Variants in ANKRD27 observed in about 807,000 individuals in gnomAD.
ANKRD27 encodes ankyrin repeat domain-containing protein 27.
A neutral mutation model predicts 129.7 loss-of-function variants in ANKRD27; 112 were observed. The observed-to-expected ratio is 0.86, with a 90% CI of 0.74 to 1.01. The LOEUF (loss-of-function observed/expected upper bound fraction) is 1.01. Among genes scored for constraint, ANKRD27 ranks in the 50% least tolerant of loss-of-function variants. ANKRD27 has a pLI of 0.00. For synonymous variants in ANKRD27, 516 were observed against 511.2 expected (o/e 1.01, Z -0.13); for missense variants, 1,258 against 1,300.5 (o/e 0.97, Z 0.50).
In ANKRD27 at chr19:32,664,581, A is replaced by G. The variant is rs897206294; in HGVS notation, c.-30-5536T>C. ...CAGTGAGCCGAGATTGTGCCACTGC[A>G]CTCCAGCCTGGGCAACAGAGCAAGA... On this transcript the variant is annotated intron_variant, in intron 1 of 28. Transcript: ENST00000306065. 4.7e-5 allele frequency among the ~76,000 whole-genome samples: 7 copies of G among 149,874 alleles called. No individual in the cohort carries two copies. The East Asian group carries it at 1.4e-3, about 29-fold the overall frequency.
At chr19:32,659,862 C>T (rs544746328) in intron 1 of ANKRD27, among the ~76,000 whole-genome samples, 1 of 152,072 alleles carries the variant, frequency 6.6e-6, no homozygotes, top group Non-Finnish European at 1.5e-5. Flanking sequence ...CTGGGCAATA[C>T]AGCAAAACCC....
intron 22 of ANKRD27, among the ~76,000 whole-genome samples, chr19:32,610,432 CTA>C (rs1309654113): frequency 1.3e-5 from 2 of 149,450 alleles, no homozygotes; most frequent in African/African-American, 5.0e-5. Context: ...CTTCAGTGAG[CTA>C]TGATTGCAAC....
At chr19:32,632,701 T>G (rs1010695581) in intron 12 of ANKRD27, among the ~76,000 whole-genome samples, 3 of 151,812 alleles carry the variant, frequency 2.0e-5, no homozygotes, top group African/African-American at 7.3e-5. Context: ...AACCATGTAA[T>G]GACAAATTCG....
intron 3 of ANKRD27, among the ~76,000 whole-genome samples, 171 bp from the exon 4 acceptor site, chr19:32,646,786 T>C (rs1286609202): frequency 2.0e-5 from 3 of 152,180 alleles, no homozygotes; most frequent in African/African-American, 7.2e-5. Flanking sequence ...AAATGTTTCC[T>C]CTTTGTTGGC....
At chr19:32,616,386 C>T (rs1379464513) in intron 21 of ANKRD27, among the ~76,000 whole-genome samples, 5 of 152,084 alleles carry the variant, frequency 3.3e-5, no homozygotes. Context: ...AACCCCGTCT[C>T]TGCTAAAAAT....
intron 18 of ANKRD27, among the ~76,000 whole-genome samples, chr19:32,619,856 T>A (rs1007336719): frequency 6.6e-6 from 1 of 152,138 alleles, no homozygotes; most frequent in Non-Finnish European, 1.5e-5. Flanking sequence ...CAGACCCGCA[T>A]GGAGCCTGAA....
At chr19:32,612,847 T>TA (rs1288149841) in intron 22 of ANKRD27, among the ~76,000 whole-genome samples, 7 of 151,736 alleles carry the variant, frequency 4.6e-5, no homozygotes, top group East Asian at 1.9e-4. Flanking sequence ...AATTATAACT[T>TA]AAAAAAAACA....
At chr19:32,616,333 A>G (rs1971918539) in intron 21 of ANKRD27, among the ~76,000 whole-genome samples, 1 of 152,084 alleles carries the variant, frequency 6.6e-6, no homozygotes, top group Non-Finnish European at 1.5e-5. Flanking sequence ...CAGGCAGATC[A>G]CCTGAGGTCA....
At chr19:32,674,785 G>A (rs1967950665) in intron 1 of ANKRD27, among the ~76,000 whole-genome samples, 1 of 151,960 alleles carries the variant, frequency 6.6e-6, no homozygotes, top group South Asian at 2.1e-4. Flanking sequence ...ACCCGCCGGT[G>A]TCGACGCAGC....
At chr19:32,664,710 C>A (rs552091672) in intron 1 of ANKRD27, among the ~76,000 whole-genome samples, 2 of 150,194 alleles carry the variant, frequency 1.3e-5, no homozygotes, top group African/African-American at 4.9e-5. Flanking sequence ...TGTAATCCCA[C>A]CACTTTGGAA....
intron 13 of ANKRD27, among the ~76,000 whole-genome samples, chr19:32,629,795 G>A (rs889329764): frequency 6.7e-6 from 1 of 148,572 alleles, no homozygotes; most frequent in Non-Finnish European, 1.5e-5. Context: ...CATCAGTGTG[G>A]ATTTTGCCAC....
intron 3 of ANKRD27, among the ~76,000 whole-genome samples, chr19:32,647,953 T>A: frequency 6.6e-6 from 1 of 152,178 alleles, no homozygotes; most frequent in East Asian, 1.9e-4. Flanking sequence ...AGCTCAATGT[T>A]TTTTCTGTTG....
In ANKRD27 at chr19:32,617,588, C is replaced by T; in HGVS notation, c.2052+1G>A. On this transcript the variant is annotated splice_donor_variant, in intron 21 of 28. Transcript: ENST00000306065. LOFTEE classifies it high-confidence loss of function. Reference sequence around the variant, plus strand: ...AATAAAAAGCACTTCTAAAAACTCACCATTTCTAGATCTCCATCAGCAACT... The same window carrying T: ...AATAAAAAGCACTTCTAAAAACTCATCATTTCTAGATCTCCATCAGCAACT... 2.6e-6 allele frequency: 2 copies of T among 755,772 alleles called. No individual in the cohort carries two copies. Among genetic ancestry groups the T allele is most frequent in the South Asian group, 2.9e-5 (2 of 69,388 alleles). 46.8% of individuals were successfully genotyped at this position (755,772 alleles called of 1,614,324 possible).
intron 25 of ANKRD27, among the ~76,000 whole-genome samples, 188 bp downstream of exon 25, chr19:32,604,075 C>A (rs997308428): frequency 6.6e-6 from 1 of 152,204 alleles, no homozygotes; most frequent in African/African-American, 2.4e-5. Flanking sequence ...CCCAGAGCAC[C>A]ACCTCTGACC....
At chr19:32,644,102 C>A (rs1967255186) in intron 5 of ANKRD27, among the ~76,000 whole-genome samples, 1 of 151,930 alleles carries the variant, frequency 6.6e-6, no homozygotes, top group Non-Finnish European at 1.5e-5. Flanking sequence ...CTTGAACTCC[C>A]AGCCTCAAGA....
intron 1 of ANKRD27, among the ~76,000 whole-genome samples, chr19:32,674,726 G>A (rs1290730545): frequency 6.6e-6 from 1 of 151,026 alleles, no homozygotes; most frequent in Non-Finnish European, 1.5e-5. Context: ...CGCGGCGACC[G>A]CCCCGCGCCC....
In ANKRD27 at chr19:32,607,844, A is replaced by C. The variant is rs1599735349; in HGVS notation, c.2176-12T>G. 1.9e-6 allele frequency: 3 copies of C among 1,595,554 alleles called. No individual in the cohort carries two copies. The highest frequency in any genetic ancestry group is 2.6e-6 in the Non-Finnish European group (3 of 1,171,440). Reference sequence around the variant, plus strand: ...ACCTTCGCCAGCCTCTGGGAAGCGCAGAAGATGGAAACACAAACGTCATCA... The same window carrying C: ...ACCTTCGCCAGCCTCTGGGAAGCGCCGAAGATGGAAACACAAACGTCATCA... On this transcript the variant is annotated splice_polypyrimidine_tract_variant and intron_variant, in intron 22 of 28. Transcript: ENST00000306065.
At chr19:32,601,379 G>A (rs1377387167) in intron 26 of ANKRD27, among the ~76,000 whole-genome samples, 6 of 151,722 alleles carry the variant, frequency 4.0e-5, no homozygotes, top group African/African-American at 9.7e-5. Flanking sequence ...GGCAGATCAC[G>A]AGGTCAGGAG....
At chr19:32,607,901 A>G (rs1971771883) in intron 22 of ANKRD27, 69 bp from the exon 23 acceptor site, 1 of 1,473,998 alleles carries the variant, frequency 6.8e-7, no homozygotes, top group Admixed American at 2.1e-5. Flanking sequence ...AGTGATTGGC[A>G]CCATGTGCCC....
Sources: gnomAD v4.1 joint callset for allele counts (sites outside exome capture counted in the v4.1 genomes callset) on GRCh38, gnomAD v4.1.1 for gene constraint, MANE v1.5 for transcripts, NCBI Gene and HGNC (gene_info 2026-07-23, HGNC 2026-07-21) for gene names.